The following SLC3A1 variants were observed in gnomAD, a reference collection of about 807,000 sequenced individuals.
SLC3A1 encodes amino acid transporter heavy chain SLC3A1.
SLC3A1 carries 78 observed loss-of-function variants against 60.3 expected under a neutral mutation model. The ratio of observed to expected loss-of-function variants is 1.29; its 90% CI spans 1.08 to 1.56. The LOEUF (loss-of-function observed/expected upper bound fraction) is 1.56. SLC3A1 is among the 40% of genes most tolerant of loss of function. The pLI, the probability that SLC3A1 is intolerant of heterozygous loss-of-function variation, is 0.00. For synonymous variants in SLC3A1, 392 were observed against 307.9 expected (o/e 1.27, Z -2.86); for missense variants, 1,172 against 858.9 (o/e 1.36, Z -4.56).
intron 4 of SLC3A1, among the ~76,000 whole-genome samples, chr2:44,296,342 G>T (rs1259784880): frequency 6.6e-6 from 1 of 152,190 alleles, no homozygotes; most frequent in African/African-American, 2.4e-5. Context: ...TGTGTCTGTT[G>T]TATTTTTCTT....
intron 3 of SLC3A1, 88 bp from the exon 4 acceptor site, chr2:44,285,944 G>A: frequency 6.6e-7 from 1 of 1,509,788 alleles, no homozygotes; most frequent in Non-Finnish European, 9.2e-7. Flanking sequence ...TACATACTCT[G>A]CCTGCAAAGG....
chr2:44,282,623 C>T lies in SLC3A1; in HGVS notation c.765+1082C>T, dbSNP rs139351288. On this transcript the variant is annotated intron_variant, in intron 3 of 9. Transcript: ENST00000260649. ...GCATAAAAAATTTTTTAGTGTGGAC[C>T]ATACTTTCTTTTTTATTTTTATTTT... 3.4e-3 allele frequency among the ~76,000 whole-genome samples: 515 copies of T among 152,050 alleles called. 4 individuals are homozygous for T. Among genetic ancestry groups the T allele is most frequent in the Non-Finnish European group, 5.8e-3 (394 of 67,970 alleles).
chr2:44,320,122 CCTTACAATATATTAAAAATA>C (rs1672798143), intron 9 of SLC3A1, 57 bp from the exon 10 acceptor site: 11 of 1,310,908 alleles, frequency 8.4e-6, no homozygotes, highest in Non-Finnish European at 1.2e-5. Flanking sequence ...GTAAATAACT[CCTTACAATATATTAAAAATA>C]CTTACAAACA....
chr2:44,304,394 G>A, intron 7 of SLC3A1, 56 bp downstream of exon 7: 1 of 1,359,432 alleles, frequency 7.4e-7, no homozygotes. Flanking sequence ...TTGCTGTCCA[G>A]TTATCTCTAA....
intron 1 of SLC3A1, among the ~76,000 whole-genome samples, chr2:44,280,423 G>C (rs1671468642): frequency 6.6e-6 from 1 of 151,974 alleles, no homozygotes; most frequent in Non-Finnish European, 1.5e-5. Context: ...ATTTTTAATA[G>C]AGACGGGGTT....
chr2:44,301,584 C>T (rs980825108), intron 6 of SLC3A1, among the ~76,000 whole-genome samples: 8 of 151,644 alleles, frequency 5.3e-5, no homozygotes, highest in Non-Finnish European at 5.9e-5. Flanking sequence ...ACTAAAAATA[C>T]AAAAATTAGC....
At chr2:44,303,831 T>G in intron 6 of SLC3A1, 3 of 515,778 alleles carry the variant, frequency 5.8e-6, no homozygotes, top group African/African-American at 3.8e-5. Context: ...ACATGCGGTG[T>G]TTGGTTTTCT....
chr2:44,318,093 CTGTT>C (rs1168863409), intron 9 of SLC3A1: 17 of 394,772 alleles, frequency 4.3e-5, no homozygotes, highest in African/African-American at 1.2e-4. Context: ...GATCTCAACA[CTGTT>C]TTTTTTTTTT....
chr2:44,318,020 G>T (rs1194155833), intron 9 of SLC3A1: 4 of 372,922 alleles, frequency 1.1e-5, no homozygotes, highest in Non-Finnish European at 2.1e-5. Context: ...GTTATCTTTT[G>T]ACCTAATAAT....
chr2:44,284,072 T>C (rs2104339248), intron 3 of SLC3A1, among the ~76,000 whole-genome samples: 1 of 152,198 alleles, frequency 6.6e-6, no homozygotes, highest in South Asian at 2.1e-4. Context: ...TTGGGGTACA[T>C]GTGCAAGGGC....
intron 7 of SLC3A1, 91 bp downstream of exon 7, chr2:44,304,429 G>C: frequency 1.0e-6 from 1 of 978,266 alleles, no homozygotes. Flanking sequence ...TTGTCTCTAA[G>C]TGACCATCAC....
At chr2:44,294,575 C>G (rs1671809177) in intron 4 of SLC3A1, among the ~76,000 whole-genome samples, 1 of 152,052 alleles carries the variant, frequency 6.6e-6, no homozygotes, top group Non-Finnish European at 1.5e-5. Flanking sequence ...TACAGAAACC[C>G]TCCATACTAT....
intron 6 of SLC3A1, among the ~76,000 whole-genome samples, chr2:44,303,060 G>A (rs1672056559): frequency 6.6e-6 from 1 of 151,688 alleles, no homozygotes; most frequent in African/African-American, 2.4e-5. Context: ...AATTAGCTGG[G>A]CGTGGTGGCG....
At chr2:44,305,737 C>T (rs754221811) in intron 7 of SLC3A1, among the ~76,000 whole-genome samples, 5 of 151,600 alleles carry the variant, frequency 3.3e-5, no homozygotes, top group African/African-American at 9.7e-5. Context: ...CCCTTCCTTT[C>T]TTTAATATAT....
intron 8 of SLC3A1, 117 bp from the exon 9 acceptor site, chr2:44,313,718 G>A: frequency 2.2e-6 from 2 of 900,906 alleles, no homozygotes; most frequent in Non-Finnish European, 3.7e-6. Flanking sequence ...ATGCTAATGA[G>A]TACAAACACT....
intron 4 of SLC3A1, 34 bp from the exon 5 acceptor site, chr2:44,299,937 A>G: frequency 6.2e-7 from 1 of 1,611,740 alleles, no homozygotes; most frequent in East Asian, 2.2e-5. Flanking sequence ...TAACGTAGTT[A>G]ATGTAACCAA....
rs1672276149 is a variant in SLC3A1, at chr2:44,310,798, G to C, written c.1333-1788G>C. Reference sequence around the variant, plus strand: ...ATGATAGTATCCCACAGGTCTCTGAGAGTCTGGTTTTTTTTTTTGAGACAG... The same window carrying C: ...ATGATAGTATCCCACAGGTCTCTGACAGTCTGGTTTTTTTTTTTGAGACAG... On this transcript the variant is annotated intron_variant, in intron 7 of 9. Coordinates refer to ENST00000260649, the MANE Select transcript of SLC3A1 (RefSeq NM_000341.4). Among the ~76,000 whole-genome samples, 4 of 150,678 alleles carry C rather than the reference G, an allele frequency of 2.7e-5. No individual in the cohort carries two copies. The South Asian group carries it at 8.3e-4, about 31-fold the overall frequency.
chr2:44,298,758 G>A (rs919812610), intron 4 of SLC3A1, among the ~76,000 whole-genome samples: 1 of 152,154 alleles, frequency 6.6e-6, no homozygotes, highest in Non-Finnish European at 1.5e-5. Flanking sequence ...GGCAGCCCAC[G>A]ATGATGCTCT....
intron 7 of SLC3A1, among the ~76,000 whole-genome samples, chr2:44,311,455 TTTG>T (rs1199782756): frequency 2.6e-5 from 4 of 152,266 alleles, no homozygotes; most frequent in Admixed American, 6.5e-5. Flanking sequence ...GTTTTGTATA[TTTG>T]TTGTTGTTGT....
Sources: gnomAD v4.1 joint callset for allele counts (sites outside exome capture counted in the v4.1 genomes callset) on GRCh38, gnomAD v4.1.1 for gene constraint, MANE v1.5 for transcripts, NCBI Gene and HGNC (gene_info 2026-07-23, HGNC 2026-07-21) for gene names.